The following VWC2 variants were observed in gnomAD, a reference collection of about 807,000 sequenced individuals.
VWC2 encodes von Willebrand factor C domain containing 2, also known as brorin.
VWC2 carries 14 observed loss-of-function variants against 29.8 expected under a neutral mutation model. The ratio of observed to expected loss-of-function variants is 0.47; its 90% confidence interval spans 0.31 to 0.74. The LOEUF (loss-of-function observed/expected upper bound fraction) is 0.74, where lower values mean the gene tolerates loss of function less well. Among genes scored for constraint, VWC2 ranks in the 30% least tolerant of loss-of-function variants. The pLI is 0.05. For synonymous variants in VWC2, 213 were observed against 199.0 expected, an observed-to-expected ratio of 1.07 and a Z score of -0.59; for missense variants, 457 against 459.8, an observed-to-expected ratio of 0.99 and a Z score of 0.05.
chr7:49,849,134 C>T (rs1266403805), intron 3 of VWC2, among the ~76,000 whole-genome samples: 1 of 152,144 alleles, frequency 6.6e-6, no homozygotes, highest in African/African-American at 2.4e-5. Flanking sequence ...ACTTACATAT[C>T]CCAGCAGTTC....
chr7:49,876,902 G>C (rs913223965), intron 3 of VWC2, among the ~76,000 whole-genome samples: 1 of 151,776 alleles, frequency 6.6e-6, no homozygotes, highest in Non-Finnish European at 1.5e-5. Context: ...AAATTTATCA[G>C]TGGGATCCTT....
intron 3 of VWC2, among the ~76,000 whole-genome samples, chr7:49,833,244 G>GTT (rs1249996247): frequency 6.6e-6 from 1 of 152,164 alleles, no homozygotes; most frequent in African/African-American, 2.4e-5. Context: ...GCAGAGTTCA[G>GTT]TTTTGTCTGT....
chr7:49,825,035 C>T (rs1209992647), intron 3 of VWC2, among the ~76,000 whole-genome samples: 1 of 151,910 alleles, frequency 6.6e-6, no homozygotes, highest in East Asian at 1.9e-4. Flanking sequence ...TGTTTATTTT[C>T]CCTGTATCTT....
intron 2 of VWC2, among the ~76,000 whole-genome samples, chr7:49,781,218 C>A (rs1169120432): frequency 6.6e-6 from 1 of 152,024 alleles, no homozygotes; most frequent in Non-Finnish European, 1.5e-5. Flanking sequence ...TCATTTTCTA[C>A]CCTTGTGTCT....
intron 3 of VWC2, among the ~76,000 whole-genome samples, chr7:49,836,622 G>C (rs951140914): frequency 1.5e-4 from 23 of 150,584 alleles, no homozygotes; most frequent in African/African-American, 5.4e-4. Context: ...CTGGGCAACA[G>C]AGCAAGACTC....
chr7:49,776,245 G>T, intron 2 of VWC2, 114 bp downstream of exon 2: 1 of 936,072 alleles, frequency 1.1e-6, no homozygotes, highest in Non-Finnish European at 1.6e-6. Flanking sequence ...CTGAGAGGTG[G>T]AGAGCACTGT....
intron 3 of VWC2, among the ~76,000 whole-genome samples, chr7:49,812,416 A>T (rs1356711935): frequency 6.6e-6 from 1 of 152,182 alleles, no homozygotes; most frequent in Non-Finnish European, 1.5e-5. Flanking sequence ...CTTGATACAC[A>T]TCCTTTATCT....
intron 3 of VWC2, among the ~76,000 whole-genome samples, chr7:49,847,158 A>G (rs966346383): frequency 1.3e-5 from 2 of 151,578 alleles, no homozygotes; most frequent in East Asian, 1.9e-4. Context: ...CACTGCCAGG[A>G]TATAAGAATC....
At chr7:49,828,478 C>T (rs944883356) in intron 3 of VWC2, among the ~76,000 whole-genome samples, 1 of 152,108 alleles carries the variant, frequency 6.6e-6, no homozygotes, top group Admixed American at 6.5e-5. Flanking sequence ...ATTTTACACT[C>T]CTACCAGCAA....
chr7:49,892,769 C>T (rs1792199792), intron 3 of VWC2, among the ~76,000 whole-genome samples: 1 of 152,120 alleles, frequency 6.6e-6, no homozygotes, highest in Non-Finnish European at 1.5e-5. Context: ...ACATTTTATT[C>T]GTTCATTTTT....
chr7:49,903,544 A>T (rs896634081), intron 3 of VWC2, among the ~76,000 whole-genome samples: 1 of 152,236 alleles, frequency 6.6e-6, no homozygotes, highest in African/African-American at 2.4e-5. Context: ...ATAATAAAAC[A>T]ATAGATATGG....
At chr7:49,910,163 C>T (rs114981079) in intron 3 of VWC2, among the ~76,000 whole-genome samples, 2,043 of 152,146 alleles carry the variant, frequency 0.013, 37 homozygotes, top group African/African-American at 0.046. Context: ...GAGAAGGGGG[C>T]ACATGCAAGC....
At chr7:49,866,946 A>G (rs1790917223) in intron 3 of VWC2, among the ~76,000 whole-genome samples, 1 of 152,250 alleles carries the variant, frequency 6.6e-6, no homozygotes, top group South Asian at 2.1e-4. Context: ...ACACAGACCC[A>G]GAAGCCCACC....
At chr7:49,868,228 A>G (rs692039) in intron 3 of VWC2, among the ~76,000 whole-genome samples, 116,644 of 152,154 alleles carry the variant, frequency 0.77, 44,964 homozygotes, top group East Asian at 0.88. Flanking sequence ...ACATTAATAG[A>G]TGCTGTTTCC....
intron 2 of VWC2, among the ~76,000 whole-genome samples, chr7:49,787,003 G>T (rs972789094): frequency 1.3e-5 from 2 of 152,132 alleles, no homozygotes; most frequent in African/African-American, 2.4e-5. Context: ...AACAGGTACT[G>T]GGAGCCAGCT....
At chr7:49,865,265 T>A (rs528194029) in intron 3 of VWC2, among the ~76,000 whole-genome samples, 1 of 152,182 alleles carries the variant, frequency 6.6e-6, no homozygotes, top group Non-Finnish European at 1.5e-5. Context: ...ATGAAAGAGT[T>A]GATCTCTGAA....
chr7:49,809,814 T>C (rs1487939848), intron 3 of VWC2, among the ~76,000 whole-genome samples: 1 of 151,912 alleles, frequency 6.6e-6, no homozygotes, highest in Non-Finnish European at 1.5e-5. Flanking sequence ...ATTTGAAAAA[T>C]CCAACACTCA....
At chr7:49,869,007 T>C (rs1258631263) in intron 3 of VWC2, among the ~76,000 whole-genome samples, 1 of 152,224 alleles carries the variant, frequency 6.6e-6, no homozygotes, top group Non-Finnish European at 1.5e-5. Context: ...TCTGAAGGGA[T>C]AAGCTATGAA....
intron 3 of VWC2, among the ~76,000 whole-genome samples, chr7:49,821,031 A>G (rs2128709454): frequency 6.6e-6 from 1 of 152,368 alleles, no homozygotes; most frequent in African/African-American, 2.4e-5. Context: ...TGCTGAATGA[A>G]GGGCTTGTTT....
Sources: allele counts gnomAD v4.1 joint callset (sites outside exome capture counted in the v4.1 genomes callset), GRCh38; gene constraint gnomAD v4.1.1; transcripts MANE v1.5; gene names NCBI Gene and HGNC (gene_info 2026-07-23, HGNC 2026-07-21).